The following MYH16 variants were observed in gnomAD, a reference collection of about 807,000 sequenced individuals.
MYH16 encodes putative uncharacterized protein MYH16.
intron 2 of MYH16, among the ~76,000 whole-genome samples, chr7:99,246,905 G>A (rs1055116948): frequency 6.6e-6 from 1 of 152,038 alleles, no homozygotes; most frequent in Admixed American, 6.5e-5. Context: ...CCAACTTTAC[G>A]ATGGGGCAAA....
At chr7:99,258,195 C>T (rs1563103924) in exon 11 of MYH16, 1 of 152,606 alleles carries the variant, frequency 6.6e-6, no homozygotes, top group Non-Finnish European at 1.5e-5. Flanking sequence ...GGCCCCGAGT[C>T]AAAGTTGGCA....
At chr7:99,274,631 C>T (rs987512775) in intron 20 of MYH16, among the ~76,000 whole-genome samples, 5 of 151,892 alleles carry the variant, frequency 3.3e-5, no homozygotes, top group African/African-American at 7.3e-5. Flanking sequence ...TGGCTTTCCC[C>T]GCCTGTTCCA....
At chr7:99,243,675 G>T (rs568291143) in intron 2 of MYH16, among the ~76,000 whole-genome samples, 2 of 152,094 alleles carry the variant, frequency 1.3e-5, no homozygotes, top group African/African-American at 4.8e-5. Context: ...TCCTCCTCAT[G>T]TTCCTCCCCT....
chr7:99,300,305 C>T lies in MYH16; in HGVS notation n.4933+647C>T, dbSNP rs556839593. ...ATTTTTTACTTATTATAAACTATTT[C>T]AGACATAGAGAAATGAAGAACACAA... is the stretch of plus-strand genomic sequence containing the variant. On this transcript the variant is annotated intron_variant and non_coding_transcript_variant, in intron 37 of 41. Transcript: ENST00000439784. 2.9e-4 allele frequency among the ~76,000 whole-genome samples: 44 copies of T among 152,276 alleles called. No homozygotes were observed. In the South Asian group the frequency reaches 9.1e-3, roughly 32 times the overall value.
At chr7:99,255,821 A>T (rs969316630) in intron 9 of MYH16, 1 of 152,262 alleles carries the variant, frequency 6.6e-6, no homozygotes, top group Non-Finnish European at 1.5e-5. Flanking sequence ...TCTTCCCTGG[A>T]GATTTCTGGG....
chr7:99,275,124 G>C (rs1257359246), intron 20 of MYH16, among the ~76,000 whole-genome samples: 1 of 151,950 alleles, frequency 6.6e-6, no homozygotes, highest in East Asian at 1.9e-4. Flanking sequence ...CTCCCGAATA[G>C]CTCAGACTAT....
exon 27 of MYH16, chr7:99,285,418 G>A (rs2150823594): frequency 4.4e-6 from 2 of 456,762 alleles, no homozygotes; most frequent in South Asian, 3.1e-5. Flanking sequence ...ACTAGAAGCT[G>A]AGAGGGCCAT....
At chr7:99,256,498 G>T (rs912366734) in intron 9 of MYH16, among the ~76,000 whole-genome samples, 5 of 151,738 alleles carry the variant, frequency 3.3e-5, no homozygotes, top group Admixed American at 3.3e-4. Flanking sequence ...AACTGGCCAG[G>T]CATGGTAGCC....
intron 7 of MYH16, chr7:99,252,877 G>A (rs1791827814): frequency 1.3e-5 from 2 of 154,154 alleles, no homozygotes; most frequent in Non-Finnish European, 2.9e-5. Flanking sequence ...ATAGAGAGCT[G>A]TAAGTCAGGC....
At chr7:99,239,840 C>G (rs1398775087) in intron 1 of MYH16, among the ~76,000 whole-genome samples, 4 of 152,086 alleles carry the variant, frequency 2.6e-5, no homozygotes, top group Non-Finnish European at 5.9e-5. Context: ...CTCTGCTGGC[C>G]CACACTACGT....
chr7:99,271,201 G>C (rs1792042050), intron 19 of MYH16: 1 of 152,416 alleles, frequency 6.6e-6, no homozygotes. Context: ...CCAATGTCTT[G>C]CTGGCACAAA....
downstream of MYH16, among the ~76,000 whole-genome samples, chr7:99,307,904 C>T (rs1421877470): frequency 6.6e-6 from 1 of 151,828 alleles, no homozygotes; most frequent in African/African-American, 2.4e-5. Context: ...TTAGTAGAGA[C>T]GGGGTTTCAC....
rs1791724101 is a variant in MYH16 at position 99,245,982 on chromosome 7, GT to G, written n.355-1609del. Among the ~76,000 whole-genome samples, 2 of 151,522 alleles carry G rather than the reference GT, an allele frequency of 1.3e-5. 1 individual carries two copies. Among genetic ancestry groups the G allele is most frequent in the East Asian group, 3.9e-4 (2 of 5,082 alleles). Reference sequence around the variant, plus strand: ...TTTGGGAGGCCAACGTGGGTGGATTGTTTGAGGACAGGAGTTCATGACAAGC... The same window carrying G: ...TTTGGGAGGCCAACGTGGGTGGATTGTTGAGGACAGGAGTTCATGACAAGC... On this transcript the variant is annotated intron_variant and non_coding_transcript_variant, in intron 2 of 41. Transcript: ENST00000439784.
At chr7:99,286,885 G>A (rs1366037395) in intron 28 of MYH16, among the ~76,000 whole-genome samples, 2 of 152,028 alleles carry the variant, frequency 1.3e-5, no homozygotes, top group Non-Finnish European at 2.9e-5. Flanking sequence ...GCCCAGGGAG[G>A]TTGAGGCTGT....
At chr7:99,302,328 A>T (rs1413401210) in intron 38 of MYH16, among the ~76,000 whole-genome samples, 1 of 143,082 alleles carries the variant, frequency 7.0e-6, no homozygotes, top group Admixed American at 6.9e-5. Flanking sequence ...ACACACACAC[A>T]CACACACACA....
At chr7:99,273,120 T>A (rs942613081) in intron 19 of MYH16, among the ~76,000 whole-genome samples, 43 bp downstream of exon 1, 1 of 152,190 alleles carries the variant, frequency 6.6e-6, no homozygotes, top group Non-Finnish European at 1.5e-5. Flanking sequence ...CCTGGTTCCA[T>A]CAGGTTTCAC....
intron 2 of MYH16, among the ~76,000 whole-genome samples, chr7:99,247,173 G>A (rs148768700): frequency 9.9e-5 from 15 of 152,232 alleles, no homozygotes; most frequent in Middle Eastern, 3.4e-3. Flanking sequence ...GCTGGGTTTC[G>A]TTGTTTTTGT....
In MYH16 at chr7:99,279,866, T is replaced by C. The variant is rs1186044685; in HGVS notation, n.2887+129T>C. ...CATGGGGCAGTTTTTTGGGGGTTTT[T>C]TTTTGTTTGTTTGTTTTGCGACAGA... On this transcript the variant is annotated intron_variant and non_coding_transcript_variant, in intron 22 of 41. Coordinates refer to ENST00000439784, the Ensembl canonical transcript of MYH16. The C allele has an allele frequency of 1.4e-5, 5 of 356,664 alleles. No homozygotes were observed. In the East Asian group the frequency reaches 3.7e-4, roughly 26 times the overall value. The allele number at this position is 356,664 out of a possible 1,614,324, so 22.1% of individuals were successfully genotyped here. A position where few individuals can be genotyped will look rare whatever the true frequency, so the allele number is the denominator to read the frequency against.
intron 22 of MYH16, among the ~76,000 whole-genome samples, chr7:99,280,350 G>A (rs1792186041): frequency 6.6e-6 from 1 of 152,252 alleles, no homozygotes; most frequent in Non-Finnish European, 1.5e-5. Context: ...CAGCTAAGGG[G>A]ACTGAGCTGT....
Sources: gnomAD v4.1 joint callset for allele counts (sites outside exome capture counted in the v4.1 genomes callset) on GRCh38, gnomAD v4.1.1 for gene constraint, MANE v1.5 for transcripts, NCBI Gene and HGNC (gene_info 2026-07-23, HGNC 2026-07-21) for gene names.